Variants in FRY observed in about 807,000 individuals in gnomAD.
The protein encoded by FRY is protein furry homolog.
In FRY, 128 loss-of-function variants were observed where a neutral mutation model predicts 348.4. The observed-to-expected ratio is 0.37, with a 90% CI of 0.32 to 0.43. FRY has a LOEUF of 0.43. Ranked by LOEUF, FRY falls within the 20% of genes least tolerant of loss-of-function variation. FRY has a pLI of 1.00. For synonymous variants in FRY, 1,370 were observed against 1,374.7 expected (o/e 1.00, Z 0.08); for missense variants, 2,736 against 3,695.2 (o/e 0.74, Z 6.73).
In FRY at chr13:32,251,882, G is replaced by A. The variant is rs770221128; in HGVS notation, c.7175G>A (p.Arg2392Lys). 2.5e-6 allele frequency: 4 copies of A among 1,610,906 alleles called. No homozygotes were observed. Among genetic ancestry groups the A allele is most frequent in the Non-Finnish European group, 3.4e-6 (4 of 1,177,102 alleles). Residue 2392 changes from arginine to lysine, a missense_variant, in exon 50 of 61, where the codon AGA (arginine) becomes AAA (lysine). By Grantham distance (26) the Arg-to-Lys change is conservative. Around this residue, in one of 9 missense-constraint regions of FRY, gnomAD observed 789 missense variants for 996.2 expected, o/e 0.79. Transcript: ENST00000542859. ...SWKRPQYSQK[R>K]TKEKLVHVLS... Reference sequence around the variant, plus strand: ...TGCCTTGTGTTTCTTTTCCAGAAGAGAACAAAAGAGAAGTTGGTACATGTC... The same window carrying A: ...TGCCTTGTGTTTCTTTTCCAGAAGAAAACAAAAGAGAAGTTGGTACATGTC...
intron 11 of FRY, among the ~76,000 whole-genome samples, chr13:32,140,838 G>T (rs967407461): frequency 6.6e-6 from 1 of 152,086 alleles, no homozygotes; most frequent in Non-Finnish European, 1.5e-5. Context: ...TCACATAATA[G>T]TAAGTTTATT....
intron 55 of FRY, among the ~76,000 whole-genome samples, chr13:32,274,200 A>G (rs889354470): frequency 1.3e-4 from 19 of 151,532 alleles, no homozygotes; most frequent in African/African-American, 4.3e-4. Context: ...TTCTCATGCG[A>G]TATTTTTATA....
chr13:32,092,392 A>T (rs1463850207), intron 2 of FRY, among the ~76,000 whole-genome samples: 1 of 152,192 alleles, frequency 6.6e-6, no homozygotes, highest in African/African-American at 2.4e-5. Context: ...CCTAAAGATT[A>T]CAGAGATGTA....
At chr13:32,266,379 G>T (rs193194838) in intron 54 of FRY, among the ~76,000 whole-genome samples, 2 of 152,054 alleles carry the variant, frequency 1.3e-5, no homozygotes, top group Non-Finnish European at 2.9e-5. Context: ...CTTTCCCTGC[G>T]TATCTCTGGT....
Position 32,267,336 on chromosome 13 carries a change from C to T in FRY, c.8113C>T (p.His2705Tyr). The change falls in exon 55 of 61, where the codon CAT becomes TAT. Residue 2705 changes from histidine to tyrosine, a missense_variant. Physicochemically the swap from His to Tyr is moderately conservative, Grantham distance 83 (BLOSUM62 2). Around this residue, in one of 9 missense-constraint regions of FRY, gnomAD observed 789 missense variants for 996.2 expected, o/e 0.79. Transcript: ENST00000542859. ...TGGCTCCTGTGCTGTGTATACATTT[C>T]ATGTGTTCTCCTCCTTGTTTAAGGT... is the stretch of plus-strand genomic sequence containing the variant. The part of the protein sequence containing the change: ...SDGSCAVYTF[H>Y]VFSSLFKNIQ... 1.2e-6 allele frequency: 2 copies of T among 1,614,108 alleles called. No individual in the cohort carries two copies. Among genetic ancestry groups the T allele is most frequent in the Non-Finnish European group, 1.7e-6 (2 of 1,179,966 alleles).
chr13:32,166,214 T>C (rs1473140091), intron 17 of FRY, among the ~76,000 whole-genome samples: 1 of 152,222 alleles, frequency 6.6e-6, no homozygotes, highest in African/African-American at 2.4e-5. Context: ...TAGCCAGACA[T>C]CTTCTCAAGT....
chr13:32,214,237 G>A (rs951335992), intron 35 of FRY, among the ~76,000 whole-genome samples: 1 of 151,756 alleles, frequency 6.6e-6, no homozygotes, highest in Non-Finnish European at 1.5e-5. Flanking sequence ...TTCCTTCCTT[G>A]TAATCCCTGT....
chr13:32,159,558 G>T lies in FRY; in HGVS notation c.1785-1586G>T, dbSNP rs534112817. On this transcript the variant is annotated intron_variant, in intron 16 of 60. Coordinates refer to ENST00000542859, the MANE Select transcript of FRY (RefSeq NM_023037.3). ...ATATTTTCTTAATTATATAATTTTG[G>T]GGATTTATATGCTTCCCATAAAAGG... Among the ~76,000 whole-genome samples, 93 of 152,036 alleles carry T rather than the reference G, an allele frequency of 6.1e-4. No homozygotes were observed. In the South Asian group the frequency reaches 0.012, roughly 19 times the overall value.
chr13:32,266,652 T>G (rs1887940002), intron 54 of FRY, among the ~76,000 whole-genome samples: 2 of 152,182 alleles, frequency 1.3e-5, no homozygotes, highest in African/African-American at 4.8e-5. Context: ...CCAGAAATTC[T>G]AGAGGTGCAA....
intron 36 of FRY, 55 bp from the exon 37 acceptor site, chr13:32,224,180 A>C: frequency 7.0e-7 from 1 of 1,427,090 alleles, no homozygotes. Flanking sequence ...TCAAGTAGAG[A>C]AAACAAGTCT....
chr13:32,279,278 A>C (rs536443128), intron 58 of FRY, among the ~76,000 whole-genome samples: 19 of 152,344 alleles, frequency 1.2e-4, no homozygotes, highest in African/African-American at 4.3e-4. Context: ...TCTCCATGGA[A>C]GTAGCATCTT....
intron 11 of FRY, among the ~76,000 whole-genome samples, chr13:32,146,418 C>A (rs984686276): frequency 6.6e-6 from 1 of 152,208 alleles, no homozygotes; most frequent in Non-Finnish European, 1.5e-5. Context: ...CTCACTGCAA[C>A]CTCTGCTTGC....
intron 51 of FRY, 94 bp downstream of exon 51, chr13:32,254,488 CAA>C: frequency 8.5e-7 from 1 of 1,172,430 alleles, no homozygotes; most frequent in Non-Finnish European, 1.3e-6. Flanking sequence ...GTTTTTGTAA[CAA>C]GATCTTTAAT....
chr13:32,057,954 C>T (rs1008961607), intron 1 of FRY, among the ~76,000 whole-genome samples: 16 of 95,194 alleles, frequency 1.7e-4, no homozygotes, highest in African/African-American at 1.2e-4. Context: ...AGCGAGACTC[C>T]GTCTCAAAAA....
At chr13:32,090,525 G>C (rs541950025) in intron 2 of FRY, among the ~76,000 whole-genome samples, 1 of 152,182 alleles carries the variant, frequency 6.6e-6, no homozygotes, top group South Asian at 2.1e-4. Context: ...TGTCCTGAAG[G>C]AGATAGGAAA....
chr13:32,186,477 A>T (rs761469198), intron 27 of FRY, 57 bp downstream of exon 27: 8 of 1,062,984 alleles, frequency 7.5e-6, no homozygotes, highest in African/African-American at 1.6e-5. Flanking sequence ...CTCTCGTTAA[A>T]CTAATAACCA....
At chr13:32,166,281 A>C (rs949400616) in intron 17 of FRY, among the ~76,000 whole-genome samples, 4 of 152,174 alleles carry the variant, frequency 2.6e-5, no homozygotes, top group Non-Finnish European at 5.9e-5. Context: ...AACTCTCTCA[A>C]AGGACAGTTT....
At chr13:32,040,143 T>C (rs906397631) in intron 1 of FRY, among the ~76,000 whole-genome samples, 1 of 152,202 alleles carries the variant, frequency 6.6e-6, no homozygotes, top group Non-Finnish European at 1.5e-5. Flanking sequence ...AAGAATAGGG[T>C]ATTAGATTAA....
At chr13:32,231,326 C>T (rs774685249) in intron 41 of FRY, 26 bp downstream of exon 41, 1 of 1,609,260 alleles carries the variant, frequency 6.2e-7, no homozygotes. Flanking sequence ...TGCACAGATC[C>T]CTCTTTCAGC....
Sources: gnomAD v4.1 joint callset for allele counts (sites outside exome capture counted in the v4.1 genomes callset) on GRCh38, gnomAD v4.1.1 for gene constraint, gnomAD v4.1.1 regional missense constraint, MANE v1.5 for transcripts, NCBI Gene and HGNC (gene_info 2026-07-23, HGNC 2026-07-21) for gene names.